Variants in ACBD3 observed in about 807,000 individuals in gnomAD.
ACBD3 encodes the protein acyl-CoA binding domain containing 3.
Under a neutral mutation model 66.9 loss-of-function variants are expected in ACBD3, and 30 were observed. The observed-to-expected ratio is 0.45, with a 90% confidence interval of 0.34 to 0.61. The LOEUF is 0.61. Among genes scored for constraint, ACBD3 ranks in the 20% least tolerant of loss-of-function variants. The pLI is 0.02. For synonymous variants in ACBD3, 278 were observed against 259.8 expected (o/e 1.07, Z -0.68); for missense variants, 544 against 664.5 (o/e 0.82, Z 1.99).
chr1:226,147,494 T>A (rs1168972459), intron 7 of ACBD3, among the ~76,000 whole-genome samples: 1 of 152,182 alleles, frequency 6.6e-6, no homozygotes, highest in Non-Finnish European at 1.5e-5. Context: ...ATTTCACTCA[T>A]CTGAGTAACA....
intron 7 of ACBD3, among the ~76,000 whole-genome samples, chr1:226,150,053 T>A (rs1035345337): frequency 6.7e-6 from 1 of 149,916 alleles, no homozygotes; most frequent in Admixed American, 6.7e-5. Context: ...TTATTTTTTT[T>A]AATTTTTTTT....
Position 226,148,849 on chromosome 1 carries a change from T to C in ACBD3, c.1376-2028A>G, listed in dbSNP as rs543927272. On this transcript the variant is annotated intron_variant, in intron 7 of 7. Transcript: ENST00000366812. The stretch of plus-strand genomic sequence containing the variant: ...GGACAAATACAATTTGTGAGCTAAA[T>C]CTTTAAATGGGATGAAGTGACGCTC... 6.6e-5 allele frequency among the ~76,000 whole-genome samples: 10 copies of C among 152,296 alleles called. No homozygotes were observed. In the South Asian group the frequency reaches 2.1e-3, roughly 32 times the overall value.
intron 6 of ACBD3, 82 bp from the exon 7 acceptor site, chr1:226,152,701 C>T: frequency 7.6e-7 from 1 of 1,318,200 alleles, no homozygotes; most frequent in Non-Finnish European, 1.0e-6. Flanking sequence ...ACTACCTGAT[C>T]AGTTGTACTC....
intron 4 of ACBD3, among the ~76,000 whole-genome samples, chr1:226,159,820 C>A (rs992955219): frequency 2.0e-5 from 3 of 152,148 alleles, no homozygotes; most frequent in Non-Finnish European, 2.9e-5. Flanking sequence ...TACCACGATG[C>A]TTTAAGATGA....
At chr1:226,164,311 G>A (rs942940275) in intron 3 of ACBD3, among the ~76,000 whole-genome samples, 5 of 152,008 alleles carry the variant, frequency 3.3e-5, no homozygotes, top group African/African-American at 1.2e-4. Context: ...AGCACATTCA[G>A]TAGCTCCTCC....
chr1:226,147,293 C>CA (rs1388231395), intron 7 of ACBD3, among the ~76,000 whole-genome samples: 2 of 152,206 alleles, frequency 1.3e-5, no homozygotes, highest in South Asian at 4.1e-4. Flanking sequence ...TTCATTCATT[C>CA]ACTCATTCAT....
intron 5 of ACBD3, among the ~76,000 whole-genome samples, chr1:226,157,601 G>A (rs1325643729): frequency 6.6e-6 from 1 of 151,904 alleles, no homozygotes; most frequent in Non-Finnish European, 1.5e-5. Context: ...ATGTAGTGGC[G>A]CCATCACAGC....
chr1:226,166,019 CAAAG>C lies in ACBD3; in HGVS notation c.287-23_287-20del, dbSNP rs1408688394. On this transcript the variant is annotated intron_variant, in intron 1 of 7. Coordinates refer to ENST00000366812, the MANE Select transcript of ACBD3 (RefSeq NM_022735.4). ...TCTTTTTCTATAAGAAAAAGAAACA[CAAAG>C]AAAACAATTAGCACAGGCAAAATAC... The C allele has an allele frequency of 3.1e-6, 5 of 1,596,500 alleles. No homozygotes were observed. The highest frequency in any genetic ancestry group is 4.5e-5 in the East Asian group (2 of 44,620).
intron 6 of ACBD3, 184 bp downstream of exon 6, chr1:226,154,463 T>C (rs914463197): frequency 7.0e-5 from 34 of 488,332 alleles, no homozygotes; most frequent in Non-Finnish European, 1.2e-4. Flanking sequence ...ACATCTGATT[T>C]GCTCTTCTAC....
rs879330856 is a variant in ACBD3, at chr1:226,186,414, C to T, written c.262G>A (p.Gly88Ser). Reference protein sequence around the residue: ...RWGFGLEELYGLALRFFKEKD... With the variant: ...RWGFGLEELYSLALRFFKEKD... ...CCTTTGAAGAAGCGCAGTGCCAGGC[C>T]GTACAACTCCTCCAGGCCGAAACCC... Residue 88 changes from glycine (G) to serine (S), a missense_variant, in exon 1 of 8, where the codon GGC (glycine) becomes AGC (serine). Gly to Ser is a moderately conservative substitution (Grantham distance 56, BLOSUM62 0). Coordinates refer to ENST00000366812, the MANE Select transcript of ACBD3 (RefSeq NM_022735.4). 1.3e-6 allele frequency: 2 copies of T among 1,523,730 alleles called. No homozygotes were observed. Among genetic ancestry groups the T allele is most frequent in the African/African-American group, 1.4e-5 (1 of 69,378 alleles). The allele number at this position is 1,523,730 out of a possible 1,614,324, so 94.4% of individuals were successfully genotyped here.
At chr1:226,170,020 CAAA>C (rs771896387) in intron 1 of ACBD3, among the ~76,000 whole-genome samples, 5 of 74,940 alleles carry the variant, frequency 6.7e-5, no homozygotes, top group Admixed American at 3.1e-4. Flanking sequence ...GATTCCATCT[CAAA>C]AAAAAAAAAA....
intron 1 of ACBD3, 115 bp from the exon 2 acceptor site, chr1:226,166,115 C>G: frequency 1.7e-6 from 2 of 1,165,660 alleles, no homozygotes; most frequent in Non-Finnish European, 2.3e-6. Context: ...GTAATAGACA[C>G]AAACACTAAT....
At chr1:226,148,772 T>C (rs976591186) in intron 7 of ACBD3, among the ~76,000 whole-genome samples, 3 of 152,202 alleles carry the variant, frequency 2.0e-5, no homozygotes, top group African/African-American at 7.2e-5. Flanking sequence ...ACTCAGACTC[T>C]TCTACCATAT....
chr1:226,180,255 T>TACTA (rs1656142902), intron 1 of ACBD3, among the ~76,000 whole-genome samples: 1 of 151,720 alleles, frequency 6.6e-6, no homozygotes, highest in South Asian at 2.1e-4. Context: ...GCCTAGCATA[T>TACTA]ACTAACTGCT....
chr1:226,163,717 T>C (rs1659814509), intron 3 of ACBD3, among the ~76,000 whole-genome samples: 1 of 152,218 alleles, frequency 6.6e-6, no homozygotes, highest in Non-Finnish European at 1.5e-5. Context: ...AATTCTCGTG[T>C]CTATTTTTCA....
At chr1:226,175,635 A>G (rs1268269184) in intron 1 of ACBD3, among the ~76,000 whole-genome samples, 3 of 152,182 alleles carry the variant, frequency 2.0e-5, no homozygotes, top group Non-Finnish European at 4.4e-5. Context: ...AGATACAGAC[A>G]TACATTAGAA....
chr1:226,155,951 G>A (rs1386337060), intron 5 of ACBD3, among the ~76,000 whole-genome samples: 1 of 152,186 alleles, frequency 6.6e-6, no homozygotes, highest in Non-Finnish European at 1.5e-5. Context: ...ACTATTTTGG[G>A]ACATTCCTCT....
chr1:226,179,991 T>G (rs1656135661), intron 1 of ACBD3, among the ~76,000 whole-genome samples: 1 of 151,154 alleles, frequency 6.6e-6, no homozygotes. Context: ...GCCAACATAG[T>G]GAAACCCTGT....
chr1:226,177,538 G>C (rs1204096329), intron 1 of ACBD3, among the ~76,000 whole-genome samples: 1 of 151,718 alleles, frequency 6.6e-6, no homozygotes, highest in East Asian at 1.9e-4. Context: ...CTGTCATCTT[G>C]AATCAGGAAC....
Sources: gnomAD v4.1 joint callset for allele counts (sites outside exome capture counted in the v4.1 genomes callset) on GRCh38, gnomAD v4.1.1 for gene constraint, MANE v1.5 for transcripts, NCBI Gene and HGNC (gene_info 2026-07-23, HGNC 2026-07-21) for gene names.